MYPN: variants seen among roughly 807,000 people sequenced by gnomAD.
MYPN encodes the protein sarcomeric protein myopalladin, 145 kDa (MYOP).
Under a neutral mutation model 129.4 loss-of-function variants are expected in MYPN, and 63 were observed. The ratio of observed to expected loss-of-function variants is 0.49; its 90% confidence interval spans 0.40 to 0.60. The LOEUF (loss-of-function observed/expected upper bound fraction) is 0.60, where lower values mean the gene tolerates loss of function less well. MYPN is among the 20% of genes least tolerant of loss of function. The probability of loss-of-function intolerance (pLI) is 0.00; values close to 1 mark genes in which losing one functional copy is unlikely to be tolerated. For missense variants in MYPN, 1,596 were observed against 1,635.4 expected, an observed-to-expected ratio of 0.98 and a Z score of 0.42; for synonymous variants, 629 against 600.9, an observed-to-expected ratio of 1.05 and a Z score of -0.68.
intron 15 of MYPN, 82 bp from the exon 16 acceptor site, chr10:68,197,270 T>C: frequency 6.5e-7 from 1 of 1,545,236 alleles, no homozygotes; most frequent in Admixed American, 1.7e-5. Flanking sequence ...TCTCTAGGTC[T>C]GTAGCCATGC....
intron 17 of MYPN, 75 bp downstream of exon 17, chr10:68,199,650 G>T (rs2043676978): frequency 6.9e-7 from 1 of 1,440,144 alleles, no homozygotes; most frequent in African/African-American, 1.4e-5. Flanking sequence ...GCCTCTGCCA[G>T]AATTCCTTCA....
chr10:68,123,502 C>A (rs1445927663), intron 2 of MYPN, among the ~76,000 whole-genome samples: 3 of 148,558 alleles, frequency 2.0e-5, no homozygotes, highest in Non-Finnish European at 4.4e-5. Context: ...AGGTGAAACC[C>A]GGTCTCTACT....
At chr10:68,100,189 G>C (rs955948090) in intron 1 of MYPN, among the ~76,000 whole-genome samples, 2 of 152,032 alleles carry the variant, frequency 1.3e-5, no homozygotes, top group Non-Finnish European at 1.5e-5. Flanking sequence ...TACTTCCTGG[G>C]TTATTGTAGT....
At chr10:68,156,186 T>C (rs902615546) in intron 6 of MYPN, among the ~76,000 whole-genome samples, 1 of 152,166 alleles carries the variant, frequency 6.6e-6, no homozygotes, top group Non-Finnish European at 1.5e-5. Context: ...CCTTTTTTGA[T>C]GTTTGGTTTG....
Position 68,172,175 on chromosome 10 carries a change from G to A in MYPN, c.1974-1891G>A, listed in dbSNP as rs115010758. On this transcript the variant is annotated intron_variant, in intron 10 of 19. Transcript: ENST00000358913. ...TTGAGACCAGCCTGGGCAACATGAC[G>A]AGACCCCCAACTCTACAAAAAATAT... Among the ~76,000 whole-genome samples the A allele has an allele frequency of 3.0e-3, 449 of 152,074 alleles. 3 individuals are homozygous for A. Among genetic ancestry groups the A allele is most frequent in the African/African-American group, 9.7e-3 (403 of 41,476 alleles).
At chr10:68,115,280 A>G (rs2042141071) in intron 1 of MYPN, among the ~76,000 whole-genome samples, 1 of 150,128 alleles carries the variant, frequency 6.7e-6, no homozygotes, top group Admixed American at 6.6e-5. Flanking sequence ...AAAAAAAAAA[A>G]GTCAAATGAC....
chr10:68,210,720 T>C lies in MYPN; in HGVS notation c.*265T>C. On this transcript the variant is annotated 3_prime_UTR_variant, in exon 20 of 20. Transcript: ENST00000358913. Reference sequence around the variant, plus strand: ...AAGATGTCACACAGTTGCCATCCACTGCTTTGGGAAAAAACTAGCATGCTC... The same window carrying C: ...AAGATGTCACACAGTTGCCATCCACCGCTTTGGGAAAAAACTAGCATGCTC... 1 of 563,638 alleles carries C rather than the reference T, an allele frequency of 1.8e-6. No homozygotes were observed. The highest frequency in any genetic ancestry group is 3.4e-6 in the Non-Finnish European group (1 of 297,616). 34.9% of individuals were successfully genotyped at this position (563,638 alleles called of 1,614,324 possible).
At chr10:68,180,188 T>C (rs2043293206) in intron 12 of MYPN, among the ~76,000 whole-genome samples, 1 of 152,082 alleles carries the variant, frequency 6.6e-6, no homozygotes, top group South Asian at 2.1e-4. Flanking sequence ...TAAATTATCT[T>C]CTAGTTATGT....
At chr10:68,140,670 G>A (rs2042562531) in intron 2 of MYPN, among the ~76,000 whole-genome samples, 1 of 152,100 alleles carries the variant, frequency 6.6e-6, no homozygotes, top group Non-Finnish European at 1.5e-5. Context: ...AAAAAACATG[G>A]GCAGAGACTT....
In MYPN at chr10:68,122,270, A is replaced by G. The variant is rs775166479; in HGVS notation, c.832A>G (p.Arg278Gly). 1.2e-6 allele frequency: 2 copies of G among 1,614,078 alleles called. No individual in the cohort carries two copies. The highest frequency in any genetic ancestry group is 1.3e-5 in the African/African-American group (1 of 75,060). The stretch of plus-strand genomic sequence containing the variant: ...CCGGTTCACTCAAAAGTTACGGAGC[A>G]GAGAAGTTCCAGAAGGAACTCGAGT... Reference protein sequence around the residue: ...PPRFTQKLRSREVPEGTRVQL... With the variant: ...PPRFTQKLRSGEVPEGTRVQL... The change falls in exon 2 of 20, where the codon AGA becomes GGA. Residue 278 changes from arginine (R) to glycine (G), a missense_variant. Physicochemically the swap from Arg to Gly is moderately radical, Grantham distance 125. Coordinates refer to ENST00000358913, the MANE Select transcript of MYPN (RefSeq NM_032578.4).
rs1564680763 is a variant in MYPN, at chr10:68,174,306, C to T, written c.2214C>T (p.Ala738=). The change falls in exon 11 of 20, where the codon GCC becomes GCT. Residue 738 remains alanine (A), a synonymous_variant. Transcript: ENST00000358913. The stretch of plus-strand genomic sequence containing the variant: ...CGAACACCACCGCAGCAACTGTGGC[C>T]CCTTCCAGCTCTCCGGTGTTCACTT... ...PSTNTTAATV[A]PSSSPVFTLS... The T allele has an allele frequency of 6.2e-7, 1 of 1,614,136 alleles. No individual in the cohort carries two copies. Among genetic ancestry groups the T allele is most frequent in the Non-Finnish European group, 8.5e-7 (1 of 1,180,032 alleles).
At chr10:68,187,306 C>CAA (rs55727861) in intron 12 of MYPN, among the ~76,000 whole-genome samples, 225 of 135,556 alleles carry the variant, frequency 1.7e-3, no homozygotes, top group Middle Eastern at 3.9e-3. Flanking sequence ...GACTCCATCT[C>CAA]AAAAAAAAAA....
intron 1 of MYPN, among the ~76,000 whole-genome samples, chr10:68,096,445 C>G (rs1457480660): frequency 6.6e-6 from 1 of 152,074 alleles, no homozygotes; most frequent in Non-Finnish European, 1.5e-5. Context: ...GCCTGTAGTC[C>G]CAGCTACTCG....
chr10:68,125,032 T>A (rs1414509000), intron 2 of MYPN, among the ~76,000 whole-genome samples: 1 of 152,128 alleles, frequency 6.6e-6, no homozygotes, highest in Non-Finnish European at 1.5e-5. Context: ...TTTCTGGACA[T>A]AGATTGATTA....
chr10:68,106,668 TA>T (rs543263308), upstream of MYPN: 2 of 713,180 alleles, frequency 2.8e-6, no homozygotes, highest in Admixed American at 4.0e-5. Context: ...TATAGCGATA[TA>T]AAAAAATAGC....
intron 2 of MYPN, among the ~76,000 whole-genome samples, chr10:68,134,678 C>T (rs556590396): frequency 6.6e-6 from 1 of 152,112 alleles, no homozygotes; most frequent in South Asian, 2.1e-4. Context: ...TCCTGTAGTC[C>T]CAGCTACTCT....
chr10:68,164,964 C>T (rs1450782841), intron 8 of MYPN, among the ~76,000 whole-genome samples: 1 of 152,208 alleles, frequency 6.6e-6, no homozygotes, highest in Non-Finnish European at 1.5e-5. Flanking sequence ...TGCAAAAGTT[C>T]CCCAAGGAAA....
At chr10:68,181,372 A>G (rs1043627252) in intron 12 of MYPN, among the ~76,000 whole-genome samples, 12 of 151,912 alleles carry the variant, frequency 7.9e-5, no homozygotes, top group African/African-American at 2.9e-4. Flanking sequence ...GCTCACTGCA[A>G]TCTCCGCCTC....
chr10:68,197,455 C>G lies in MYPN; in HGVS notation c.3262C>G (p.Arg1088Gly), dbSNP rs372824930. 7 of 1,613,736 alleles carry G rather than the reference C, an allele frequency of 4.3e-6. No individual in the cohort carries two copies. The South Asian group carries it at 7.7e-5, about 18-fold the overall frequency. The change falls in exon 16 of 20, where the codon CGC becomes GGC. Residue 1088 changes from arginine (R) to glycine (G), a missense_variant. By Grantham distance (125) the Arg-to-Gly change is moderately radical. Transcript: ENST00000358913. Reference sequence around the variant, plus strand: ...TGGGGATATGGTAGCTCATGAGGGGCGCCTCTGTCGGCTGGACTGTAAGGT... The same window carrying G: ...TGGGGATATGGTAGCTCATGAGGGGGGCCTCTGTCGGCTGGACTGTAAGGT... ...APGDMVAHEG[R>G]LCRLDCKVSG... is the part of the protein sequence containing the mutation.
Sources: gnomAD v4.1 joint callset for allele counts (sites outside exome capture counted in the v4.1 genomes callset) on GRCh38, gnomAD v4.1.1 for gene constraint, MANE v1.5 for transcripts, NCBI Gene and HGNC (gene_info 2026-07-23, HGNC 2026-07-21) for gene names.